Variants in PPFIA2 observed in about 807,000 individuals in gnomAD.
PPFIA2 encodes PPFI scaffold protein A2, also known as liprin-alpha-2.
A neutral mutation model predicts 175.5 loss-of-function variants in PPFIA2; 46 were observed. That is an observed-to-expected ratio of 0.26 (90% CI 0.21 to 0.34). The LOEUF is 0.34. Among genes scored for constraint, PPFIA2 ranks in the 10% least tolerant of loss-of-function variants. The pLI is 1.00. For synonymous variants in PPFIA2, 568 were observed against 511.4 expected, an observed-to-expected ratio of 1.11 and a Z score of -1.49; for missense variants, 1,179 against 1,506.1, an observed-to-expected ratio of 0.78 and a Z score of 3.60.
chr12:81,336,899 C>A (rs963122356), intron 21 of PPFIA2, among the ~76,000 whole-genome samples: 3 of 152,052 alleles, frequency 2.0e-5, no homozygotes, highest in Non-Finnish European at 4.4e-5. Flanking sequence ...CATAATCACT[C>A]GAGATTTTTC....
At chr12:81,336,162 C>T (rs906512668) in intron 21 of PPFIA2, among the ~76,000 whole-genome samples, 9 of 152,098 alleles carry the variant, frequency 5.9e-5, no homozygotes, top group African/African-American at 1.4e-4. Context: ...TTGAAATCTC[C>T]TATTAGTACC....
At chr12:81,692,947 C>T (rs2075427855) in intron 3 of PPFIA2, among the ~76,000 whole-genome samples, 1 of 152,000 alleles carries the variant, frequency 6.6e-6, no homozygotes, top group Admixed American at 6.6e-5. Flanking sequence ...TTATAAATAG[C>T]TTGGCCTAGT....
chr12:81,538,239 G>A (rs1389849958), intron 4 of PPFIA2, among the ~76,000 whole-genome samples: 2 of 151,828 alleles, frequency 1.3e-5, no homozygotes, highest in Non-Finnish European at 2.9e-5. Context: ...CATAATTACT[G>A]CATATTGATA....
At chr12:81,517,007 T>G (rs895333884) in intron 4 of PPFIA2, among the ~76,000 whole-genome samples, 1 of 151,936 alleles carries the variant, frequency 6.6e-6, no homozygotes, top group African/African-American at 2.4e-5. Context: ...ATATGTTTAA[T>G]GAATTGCTCT....
intron 3 of PPFIA2, among the ~76,000 whole-genome samples, chr12:81,736,225 T>C (rs1597041558): frequency 6.6e-6 from 1 of 152,176 alleles, no homozygotes; most frequent in East Asian, 1.9e-4. Flanking sequence ...TAGATATTTT[T>C]ACATTTCTCT....
At chr12:81,730,854 G>C (rs2080796057) in intron 3 of PPFIA2, among the ~76,000 whole-genome samples, 1 of 151,264 alleles carries the variant, frequency 6.6e-6, no homozygotes, top group African/African-American at 2.4e-5. Flanking sequence ...GTTTATATGA[G>C]AATTGGTCTA....
intron 4 of PPFIA2, among the ~76,000 whole-genome samples, chr12:81,529,870 A>C (rs1222123754): frequency 6.6e-6 from 1 of 151,930 alleles, no homozygotes; most frequent in African/African-American, 2.4e-5. Flanking sequence ...ACTAATGGGT[A>C]CTAGGCTTAA....
At chr12:81,462,573 T>TATATATATAC (rs2054790808) in intron 4 of PPFIA2, among the ~76,000 whole-genome samples, 1 of 57,604 alleles carries the variant, frequency 1.7e-5, no homozygotes, top group African/African-American at 7.6e-5. Context: ...TATATGTGTA[T>TATATATATAC]ATATATATAT....
chr12:81,343,794 C>T lies in PPFIA2; in HGVS notation c.2262+870G>A, dbSNP rs114565927. ...CTTGATTTCATTCCAAACAGAAAAG[C>T]GGTGTTTCGAACATATTTTTTTATT... is the stretch of plus-strand genomic sequence containing the variant. On this transcript the variant is annotated intron_variant, in intron 19 of 32. Coordinates refer to ENST00000549396, the MANE Select transcript of PPFIA2 (RefSeq NM_003625.5). 3.5e-3 allele frequency among the ~76,000 whole-genome samples: 525 copies of T among 152,172 alleles called. 2 individuals are homozygous for T. The highest frequency in any genetic ancestry group is 0.012 in the African/African-American group (507 of 41,540).
chr12:81,509,339 G>T (rs2061526921), intron 4 of PPFIA2, among the ~76,000 whole-genome samples: 1 of 152,088 alleles, frequency 6.6e-6, no homozygotes, highest in Non-Finnish European at 1.5e-5. Flanking sequence ...GATGACAAAA[G>T]ACCTTCAAAT....
chr12:81,531,476 C>T (rs142633504), intron 4 of PPFIA2, among the ~76,000 whole-genome samples: 4 of 151,450 alleles, frequency 2.6e-5, no homozygotes, highest in African/African-American at 9.7e-5. Flanking sequence ...TTAAAGCTTA[C>T]GTGGAATGCT....
chr12:81,345,854 G>T (rs1471913055), intron 18 of PPFIA2, among the ~76,000 whole-genome samples: 7 of 152,124 alleles, frequency 4.6e-5, no homozygotes, highest in Non-Finnish European at 1.0e-4. Context: ...AGATCACAAT[G>T]TAGTTCCGTA....
intron 11 of PPFIA2, among the ~76,000 whole-genome samples, chr12:81,371,139 T>C (rs1489816843): frequency 4.6e-5 from 7 of 151,814 alleles, no homozygotes; most frequent in African/African-American, 1.2e-4. Context: ...TCTTATTTTA[T>C]AAATGTGGAA....
chr12:81,263,073 G>A (rs1196195244), intron 31 of PPFIA2, among the ~76,000 whole-genome samples, 158 bp downstream of exon 31: 4 of 152,204 alleles, frequency 2.6e-5, no homozygotes, highest in Non-Finnish European at 5.9e-5. Flanking sequence ...TGCAATAGCA[G>A]TGTAAAAAGG....
intron 22 of PPFIA2, among the ~76,000 whole-genome samples, chr12:81,300,670 C>T (rs190436272): frequency 1.2e-4 from 18 of 152,288 alleles, no homozygotes; most frequent in African/African-American, 4.3e-4. Flanking sequence ...AACAGCGATA[C>T]TCGTGCTCTG....
chr12:81,634,630 C>A (rs1470029965), intron 4 of PPFIA2, among the ~76,000 whole-genome samples: 2 of 152,034 alleles, frequency 1.3e-5, no homozygotes, highest in Non-Finnish European at 2.9e-5. Context: ...CTTGAAGGAA[C>A]AATGCTGCAT....
chr12:81,631,627 G>T (rs1207116264), intron 4 of PPFIA2, among the ~76,000 whole-genome samples: 1 of 152,146 alleles, frequency 6.6e-6, no homozygotes, highest in Non-Finnish European at 1.5e-5. Flanking sequence ...TCTAACTCAA[G>T]AATTCTAGAA....
chr12:81,679,447 G>A (rs1305058889), intron 3 of PPFIA2, among the ~76,000 whole-genome samples: 1 of 151,774 alleles, frequency 6.6e-6, no homozygotes, highest in East Asian at 1.9e-4. Flanking sequence ...CTCATATTTT[G>A]TAAAGTTTGA....
intron 4 of PPFIA2, among the ~76,000 whole-genome samples, chr12:81,483,099 A>G (rs1313383710): frequency 6.6e-6 from 1 of 152,168 alleles, no homozygotes; most frequent in African/African-American, 2.4e-5. Flanking sequence ...TAAGCAATTC[A>G]TCATTGCTGG....
Sources: allele counts gnomAD v4.1 joint callset (sites outside exome capture counted in the v4.1 genomes callset), GRCh38; gene constraint gnomAD v4.1.1; transcripts MANE v1.5; gene names NCBI Gene and HGNC (gene_info 2026-07-23, HGNC 2026-07-21).